Variants in COL14A1 observed in about 807,000 individuals in gnomAD.
The protein encoded by COL14A1 is collagen alpha-1(XIV) chain.
COL14A1 carries 136 observed loss-of-function variants against 230.3 expected under a neutral mutation model. The ratio of observed to expected loss-of-function variants is 0.59; its 90% CI spans 0.51 to 0.68. COL14A1 has a LOEUF of 0.68. Among genes scored for constraint, COL14A1 ranks in the 30% least tolerant of loss-of-function variants. The pLI, the probability that COL14A1 is intolerant of heterozygous loss-of-function variation, is 0.00. For synonymous variants in COL14A1, 792 were observed against 784.1 expected, an observed-to-expected ratio of 1.01 and a Z score of -0.17; for missense variants, 1,976 against 2,215.8, an observed-to-expected ratio of 0.89 and a Z score of 2.17.
intron 45 of COL14A1, among the ~76,000 whole-genome samples, chr8:120,366,517 C>A (rs1442255269): frequency 2.0e-5 from 3 of 152,154 alleles, no homozygotes; most frequent in Non-Finnish European, 4.4e-5. Flanking sequence ...TGTGATAGGA[C>A]CTGTTTAGAT....
intron 10 of COL14A1, among the ~76,000 whole-genome samples, chr8:120,207,683 A>G (rs1817482255): frequency 6.6e-6 from 1 of 152,168 alleles, no homozygotes; most frequent in Admixed American, 6.6e-5. Context: ...CACAAGCAAT[A>G]AGTTAAAACA....
intron 45 of COL14A1, among the ~76,000 whole-genome samples, chr8:120,353,526 A>G (rs1277147924): frequency 6.7e-6 from 1 of 149,022 alleles, no homozygotes; most frequent in Non-Finnish European, 1.5e-5. Flanking sequence ...TCTACAATGA[A>G]CTCAAACAAA....
chr8:120,162,562 A>G lies in COL14A1; in HGVS notation c.342A>G (p.Gln114=), dbSNP rs200392262. The G allele has an allele frequency of 8.9e-5, 142 of 1,603,598 alleles. No individual in the cohort carries two copies. The Admixed American group carries it at 2.1e-3, about 24-fold the overall frequency. The change falls in exon 4 of 48, where the codon CAA becomes CAG. Residue 114 remains glutamine (Q), a synonymous_variant. Transcript: ENST00000297848. The part of the protein sequence containing the change: ...KDKESKPAQG[Q]FRIKDLEKRK... ...AAGAAAGCAAGCCAGCTCAAGGCCA[A>G]TTCAGAAGTACGTATTTACAGTTCT...
chr8:120,188,048 G>A (rs12549898), intron 5 of COL14A1, among the ~76,000 whole-genome samples: 51,273 of 151,516 alleles, frequency 0.34, 9,493 homozygotes, highest in Admixed American at 0.48. Context: ...GAGTTGTTGC[G>A]AGGACTAAAT....
intron 9 of COL14A1, among the ~76,000 whole-genome samples, chr8:120,205,025 C>T (rs947323401): frequency 2.0e-5 from 3 of 152,070 alleles, no homozygotes; most frequent in African/African-American, 7.2e-5. Context: ...TTAGGGCACC[C>T]TATTACAGCC....
chr8:120,278,146 A>G lies in COL14A1; in HGVS notation c.3249A>G (p.Thr1083=), dbSNP rs556870828. The G allele has an allele frequency of 6.2e-7, 1 of 1,611,674 alleles. No homozygotes were observed. The highest frequency in any genetic ancestry group is 1.1e-5 in the South Asian group (1 of 90,846). The change falls in exon 27 of 48, where the codon ACA becomes ACG. Residue 1083 remains threonine, a synonymous_variant. Coordinates refer to ENST00000297848, the MANE Select transcript of COL14A1 (RefSeq NM_021110.4). ...TTCAGTTCACTGATGATCCCAGAACAGAATTTAAACTAAATGCTTACAAAA... is the reference window on the plus strand; with the variant it reads ...TTCAGTTCACTGATGATCCCAGAACGGAATTTAAACTAAATGCTTACAAAA... ...AMVQFTDDPR[T]EFKLNAYKTK...
intron 32 of COL14A1, among the ~76,000 whole-genome samples, chr8:120,284,954 A>G (rs938272017): frequency 7.9e-5 from 12 of 152,192 alleles, no homozygotes; most frequent in South Asian, 2.1e-4. Context: ...AAAAAATTCC[A>G]TAGGGCTTTG....
chr8:120,244,024 T>C lies in COL14A1; in HGVS notation c.2479+16T>C. On this transcript the variant is annotated intron_variant, in intron 20 of 47. Transcript: ENST00000297848. Reference sequence around the variant, plus strand: ...GGAAAAACCTGTAAGTGAAGCTTTCTCCCTTTGAATACAAGCCGACTCATT... The same window carrying C: ...GGAAAAACCTGTAAGTGAAGCTTTCCCCCTTTGAATACAAGCCGACTCATT... 6.2e-7 allele frequency: 1 copy of C among 1,608,032 alleles called. No individual in the cohort carries two copies. The highest frequency in any genetic ancestry group is 8.5e-7 in the Non-Finnish European group (1 of 1,177,258).
At chr8:120,230,943 C>T (rs570878898) in intron 18 of COL14A1, among the ~76,000 whole-genome samples, 59 of 152,222 alleles carry the variant, frequency 3.9e-4, no homozygotes, top group African/African-American at 1.4e-3. Context: ...GAGAAAAGAT[C>T]GTGTCTGTGT....
chr8:120,295,438 G>A (rs933216243), intron 34 of COL14A1, among the ~76,000 whole-genome samples: 4 of 151,738 alleles, frequency 2.6e-5, no homozygotes, highest in South Asian at 2.1e-4. Flanking sequence ...ACCCCATAGC[G>A]GCAATCTGAA....
chr8:120,245,019 G>A (rs1818721019), intron 20 of COL14A1, among the ~76,000 whole-genome samples: 1 of 152,058 alleles, frequency 6.6e-6, no homozygotes, highest in Admixed American at 6.6e-5. Context: ...GCTCTCCACT[G>A]GACTCTTTGA....
In COL14A1 at chr8:120,278,441, C is replaced by T; in HGVS notation, c.3344C>T (p.Ala1115Val). The change falls in exon 28 of 48, where the codon GCA (alanine) becomes GTA (valine). Residue 1115 changes from alanine (A) to valine (V), a missense_variant. By Grantham distance (64) the Ala-to-Val change is moderately conservative (BLOSUM62 0). Transcript: ENST00000297848. Reference sequence around the variant, plus strand: ...TTGCCTTTCTTTGTTTCAGGAAAAGCAATTAAGTATGTTCGAGATACCTTG... The same window carrying T: ...TTGCCTTTCTTTGTTTCAGGAAAAGTAATTAAGTATGTTCGAGATACCTTG... Reference protein sequence around the residue: ...YKGGNTKTGKAIKYVRDTLFT... With the variant: ...YKGGNTKTGKVIKYVRDTLFT... The T allele has an allele frequency of 6.2e-7, 1 of 1,608,848 alleles. No individual in the cohort carries two copies. Among genetic ancestry groups the T allele is most frequent in the Non-Finnish European group, 8.5e-7 (1 of 1,178,100 alleles).
chr8:120,360,818 C>A (rs1001283600), intron 45 of COL14A1, among the ~76,000 whole-genome samples: 11 of 152,184 alleles, frequency 7.2e-5, no homozygotes, highest in African/African-American at 2.4e-4. Flanking sequence ...TGTTCGCCTT[C>A]TCCAGGCTTT....
chr8:120,281,877 C>T (rs898840418), intron 31 of COL14A1, among the ~76,000 whole-genome samples: 1 of 152,144 alleles, frequency 6.6e-6, no homozygotes, highest in African/African-American at 2.4e-5. Context: ...AACAGCAACT[C>T]TAGAAAGTTG....
Position 120,372,956 on chromosome 8 carries a change from G to A in COL14A1, c.*1725G>A, listed in dbSNP as rs1812212655. On this transcript the variant is annotated 3_prime_UTR_variant, in exon 48 of 48. Transcript: ENST00000297848. Reference sequence around the variant, plus strand: ...TATATGATTCTGCCTGAGAAAGCAGGATTTATGGGAAGGAAAACTTGTCTA... The same window carrying A: ...TATATGATTCTGCCTGAGAAAGCAGAATTTATGGGAAGGAAAACTTGTCTA... Among the ~76,000 whole-genome samples, 1 of 152,082 alleles carries A rather than the reference G, an allele frequency of 6.6e-6. No individual in the cohort carries two copies. Among genetic ancestry groups the A allele is most frequent in the South Asian group, 2.1e-4 (1 of 4,824 alleles).
chr8:120,216,497 T>C lies in COL14A1; in HGVS notation c.1737+7T>C, dbSNP rs11774340. 1 of 1,605,186 alleles carries C rather than the reference T, an allele frequency of 6.2e-7. No homozygotes were observed. The highest frequency in any genetic ancestry group is 8.5e-7 in the Non-Finnish European group (1 of 1,176,934). On this transcript the variant is annotated splice_region_variant and intron_variant, in intron 14 of 47. Coordinates refer to ENST00000297848, the MANE Select transcript of COL14A1 (RefSeq NM_021110.4). ...TGGGACTGAAATCAATGAGGTAAGT[T>C]CCGGGACATAATGTATATTTTTTAG...
intron 14 of COL14A1, among the ~76,000 whole-genome samples, chr8:120,223,342 G>C (rs773961363): frequency 2.2e-4 from 34 of 152,118 alleles, no homozygotes; most frequent in Non-Finnish European, 3.4e-4. Context: ...TGAACCTCAG[G>C]TAGCATCAAG....
intron 24 of COL14A1, among the ~76,000 whole-genome samples, chr8:120,264,257 T>C (rs931958690): frequency 2.0e-5 from 3 of 152,226 alleles, no homozygotes; most frequent in Non-Finnish European, 2.9e-5. Context: ...CATATGTTTT[T>C]GTGGTTTATC....
chr8:120,229,089 T>TTTTTATTTTA (rs144526831), intron 18 of COL14A1, among the ~76,000 whole-genome samples: 3,544 of 137,380 alleles, frequency 0.026, 135 homozygotes, highest in African/African-American at 0.086. Flanking sequence ...TTTTTTTTTC[T>TTTTTATTTTA]TTTTATTTTA....
Sources: allele counts gnomAD v4.1 joint callset (sites outside exome capture counted in the v4.1 genomes callset), GRCh38; gene constraint gnomAD v4.1.1; transcripts MANE v1.5; gene names NCBI Gene and HGNC (gene_info 2026-07-23, HGNC 2026-07-21).